Variants in AVPR1A observed in about 807,000 individuals in gnomAD.
AVPR1A encodes the protein arginine vasopressin receptor 1A, also known as vasopressin V1a receptor.
AVPR1A carries 31 observed loss-of-function variants against 31.5 expected under a neutral mutation model. The observed-to-expected ratio is 0.99, with a 90% confidence interval of 0.74 to 1.33. AVPR1A has a LOEUF of 1.33. Among genes scored for constraint, AVPR1A ranks in the 40% most tolerant of loss-of-function variants. The pLI, the probability that AVPR1A is intolerant of heterozygous loss-of-function variation, is 0.00. For synonymous variants in AVPR1A, 243 were observed against 233.2 expected (o/e 1.04, Z -0.38); for missense variants, 570 against 575.2 (o/e 0.99, Z 0.09).
chr12:63,148,631 T>C (rs1868395816), intron 1 of AVPR1A, among the ~76,000 whole-genome samples: 1 of 152,166 alleles, frequency 6.6e-6, no homozygotes, highest in Non-Finnish European at 1.5e-5. Flanking sequence ...TTTCTTTATT[T>C]GATGGACAAT....
chr12:63,147,291 T>G lies in AVPR1A; in HGVS notation c.*68A>C. On this transcript the variant is annotated 3_prime_UTR_variant, in exon 2 of 2. Coordinates refer to ENST00000299178, the MANE Select transcript of AVPR1A (RefSeq NM_000706.5). ...TAATAAAGTGTATTTGTTCTTGTGA[T>G]TTCTAGCTCAATTCAGCTAATGAGC... 6.6e-7 allele frequency: 1 copy of G among 1,524,616 alleles called. No individual in the cohort carries two copies. Among genetic ancestry groups the G allele is most frequent in the South Asian group, 1.2e-5 (1 of 84,248 alleles). The allele number at this position is 1,524,616 out of a possible 1,614,324, so 94.4% of individuals were successfully genotyped here.
Position 63,143,154 on chromosome 12 carries a change from AATT to A in AVPR1A, c.*4202_*4204del, listed in dbSNP as rs1033731762. 1 of 151,938 alleles carries A rather than the reference AATT, an allele frequency of 6.6e-6. No homozygotes were observed. Among genetic ancestry groups the A allele is most frequent in the African/African-American group, 2.4e-5 (1 of 41,428 alleles). 9.4% of individuals were successfully genotyped at this position (151,938 alleles called of 1,614,324 possible). On this transcript the variant is annotated 3_prime_UTR_variant, in exon 2 of 2. Transcript: ENST00000299178. ...GAAAATATTATTTTATATTAATAAT[AATT>A]ATTCTGGTATTTATATCAGATTTAT...
rs1048046099 is a variant in AVPR1A, at chr12:63,144,469, C to T, written c.*2890G>A. ...TAAAATTGTGTACTTGCAGGATCTT[C>T]CCACTGTTAACTGTGAAAAATAAAA... On this transcript the variant is annotated 3_prime_UTR_variant, in exon 2 of 2. Coordinates refer to ENST00000299178, the MANE Select transcript of AVPR1A (RefSeq NM_000706.5). 6.6e-6 allele frequency: 1 copy of T among 152,174 alleles called. No individual in the cohort carries two copies. The highest frequency in any genetic ancestry group is 1.5e-5 in the Non-Finnish European group (1 of 68,030). The allele number at this position is 152,174 out of a possible 1,614,324, so 9.4% of individuals were successfully genotyped here. A position where few individuals can be genotyped will look rare whatever the true frequency, so the allele number is the denominator to read the frequency against.
Position 63,150,901 on chromosome 12 carries a change from C to A in AVPR1A, c.-65G>T. 1 of 1,447,740 alleles carries A rather than the reference C, an allele frequency of 6.9e-7. No homozygotes were observed. Among genetic ancestry groups the A allele is most frequent in the Non-Finnish European group, 9.0e-7 (1 of 1,107,772 alleles). The allele number at this position is 1,447,740 out of a possible 1,614,324, so 89.7% of individuals were successfully genotyped here. ...CAGCCCTCGCGGGCCGCTCCCTCCC[C>A]GTCTCGGAGGACTTGGGCTCCTCGT... is the stretch of plus-strand genomic sequence containing the variant. On this transcript the variant is annotated 5_prime_UTR_variant, in exon 1 of 2. Transcript: ENST00000299178. This position sits in a 1 kb window ranked among gnomAD's most constrained non-coding sequence, Gnocchi z 4.9.
Position 63,146,564 on chromosome 12 carries a change from C to T in AVPR1A, c.*795G>A, listed in dbSNP as rs181342408. ...CCAGAGTACCTTAAGCAATCCTTTT[C>T]TACTCTTTTAATAAAATTTGGCTTT... On this transcript the variant is annotated 3_prime_UTR_variant, in exon 2 of 2. Transcript: ENST00000299178. 1.3e-5 allele frequency: 2 copies of T among 152,298 alleles called. No homozygotes were observed. Among genetic ancestry groups the T allele is most frequent in the Admixed American group, 1.3e-4 (2 of 15,298 alleles). 9.4% of individuals were successfully genotyped at this position (152,298 alleles called of 1,614,324 possible).
In AVPR1A at chr12:63,143,437, T is replaced by C. The variant is rs1868335317; in HGVS notation, c.*3922A>G. The C allele has an allele frequency of 1.3e-5, 2 of 152,242 alleles. No homozygotes were observed. The highest frequency in any genetic ancestry group is 1.3e-4 in the Admixed American group (2 of 15,284). 9.4% of individuals were successfully genotyped at this position (152,242 alleles called of 1,614,324 possible). On this transcript the variant is annotated 3_prime_UTR_variant, in exon 2 of 2. Transcript: ENST00000299178. ...GATAACTTAGTATGCCTAATAATTA[T>C]GTTAAAACAATATTCTTAAAATGCT...
intron 1 of AVPR1A, among the ~76,000 whole-genome samples, chr12:63,148,763 C>A (rs1360147930): frequency 4.6e-5 from 7 of 152,154 alleles, no homozygotes; most frequent in African/African-American, 1.7e-4. Flanking sequence ...TAAATTCATA[C>A]TGAAATGTTT....
Position 63,147,576 on chromosome 12 carries a change from A to G in AVPR1A, c.1040T>C (p.Ile347Thr). The change falls in exon 2 of 2, where the codon ATA (isoleucine) becomes ACA (threonine). Residue 347 changes from isoleucine (I) to threonine (T), a missense_variant. Transcript: ENST00000299178. ...GSLNSCCNPW[I>T]YMFFSGHLLQ... ...GAGATGGCCACTAAAAAACATGTAT[A>G]TCCAGGGATTACAGCAGCTATTCAA... 3 of 1,614,172 alleles carry G rather than the reference A, an allele frequency of 1.9e-6. No homozygotes were observed. The highest frequency in any genetic ancestry group is 2.5e-6 in the Non-Finnish European group (3 of 1,180,008).
rs1439450474 is a variant in AVPR1A, at chr12:63,150,901, C to T, written c.-65G>A. On this transcript the variant is annotated 5_prime_UTR_variant, in exon 1 of 2. Transcript: ENST00000299178. This position sits in a 1 kb window ranked among gnomAD's most constrained non-coding sequence, Gnocchi z 4.9. ...CAGCCCTCGCGGGCCGCTCCCTCCC[C>T]GTCTCGGAGGACTTGGGCTCCTCGT... The T allele has an allele frequency of 6.9e-7, 1 of 1,447,742 alleles. No individual in the cohort carries two copies. The highest frequency in any genetic ancestry group is 9.0e-7 in the Non-Finnish European group (1 of 1,107,772). The allele number at this position is 1,447,742 out of a possible 1,614,324, so 89.7% of individuals were successfully genotyped here.
At chr12:63,149,808 A>ACG in intron 1 of AVPR1A, 59 bp downstream of exon 1, 1 of 1,557,636 alleles carries the variant, frequency 6.4e-7, no homozygotes. Context: ...TCACACACAC[A>ACG]CACACACACA....
chr12:63,147,415 A>G lies in AVPR1A; in HGVS notation c.1201T>C (p.Trp401Arg). 6.2e-7 allele frequency: 1 copy of G among 1,614,142 alleles called. No individual in the cohort carries two copies. Among genetic ancestry groups the G allele is most frequent in the Non-Finnish European group, 8.5e-7 (1 of 1,179,988 alleles). Reference protein sequence around the residue: ...NRSPTNSTGMWKDSPKSSKSI... With the variant: ...NRSPTNSTGMRKDSPKSSKSI... ...TTGGAAGATTTAGGCGAGTCCTTCC[A>G]CATACCCGTACTGTTTGTTGGGCTT... is the stretch of plus-strand genomic sequence containing the variant. Residue 401 changes from tryptophan (W) to arginine (R), a missense_variant, in exon 2 of 2, where the codon TGG becomes CGG. Transcript: ENST00000299178.
chr12:63,150,237 G>A lies in AVPR1A; in HGVS notation c.600C>T (p.Ala200=). Residue 200 remains alanine, a synonymous_variant, in exon 1 of 2, where the codon GCC becomes GCT. Coordinates refer to ENST00000299178, the MANE Select transcript of AVPR1A (RefSeq NM_000706.5). This position sits in a 1 kb window ranked among gnomAD's most constrained non-coding sequence, Gnocchi z 4.9. ...GGATGAAGGTGGCCCAGCAGTCGCG[G>A]GCCTTGGTGACATTGTTCACCTCGA... ...SMIEVNNVTK[A]RDCWATFIQP... 1 of 1,613,904 alleles carries A rather than the reference G, an allele frequency of 6.2e-7. No homozygotes were observed. The highest frequency in any genetic ancestry group is 8.5e-7 in the Non-Finnish European group (1 of 1,180,042).
At position 63,147,308 on chromosome 12, in the gene AVPR1A, C is replaced by T. The variant is rs1282667060; in HGVS notation, c.*51G>A. On this transcript the variant is annotated 3_prime_UTR_variant, in exon 2 of 2. Coordinates refer to ENST00000299178, the MANE Select transcript of AVPR1A (RefSeq NM_000706.5). ...TCTTGTGATTTCTAGCTCAATTCAG[C>T]TAATGAGCCAAAAAGTCAATCACAA... is the stretch of plus-strand genomic sequence containing the variant. The T allele has an allele frequency of 6.3e-7, 1 of 1,581,052 alleles. No individual in the cohort carries two copies. The highest frequency in any genetic ancestry group is 8.7e-7 in the Non-Finnish European group (1 of 1,155,498).
chr12:63,150,893 T>A lies in AVPR1A; in HGVS notation c.-57A>T. On this transcript the variant is annotated 5_prime_UTR_variant, in exon 1 of 2. Coordinates refer to ENST00000299178, the MANE Select transcript of AVPR1A (RefSeq NM_000706.5). This position sits in a 1 kb window ranked among gnomAD's most constrained non-coding sequence, Gnocchi z 4.9. ...CGGAGCTCCAGCCCTCGCGGGCCGC[T>A]CCCTCCCCGTCTCGGAGGACTTGGG... 1 of 1,450,482 alleles carries A rather than the reference T, an allele frequency of 6.9e-7. No homozygotes were observed. Among genetic ancestry groups the A allele is most frequent in the East Asian group, 2.5e-5 (1 of 40,362 alleles). The allele number at this position is 1,450,482 out of a possible 1,614,324, so 89.9% of individuals were successfully genotyped here. A position where few individuals can be genotyped will look rare whatever the true frequency, so the allele number is the denominator to read the frequency against.
Position 63,150,764 on chromosome 12 carries a change from CGCCGGTGGCCAGAGGCCACCATGG to C in AVPR1A, c.49_72del (p.Pro17_Gly24del). 1 of 1,599,376 alleles carries C rather than the reference CGCCGGTGGCCAGAGGCCACCATGG, an allele frequency of 6.3e-7. No homozygotes were observed. The highest frequency in any genetic ancestry group is 1.1e-5 in the South Asian group (1 of 91,018). Reference sequence around the variant, plus strand: ...TCGGCCTCCCGGCTTGTGTTGCCAGCGCCGGTGGCCAGAGGCCACCATGGGCTGGAGTTGCCCGAGGGCCCCGCG... The same window carrying C: ...TCGGCCTCCCGGCTTGTGTTGCCAGCGCTGGAGTTGCCCGAGGGCCCCGCG... On this transcript the variant is annotated inframe_deletion, in exon 1 of 2. Coordinates refer to ENST00000299178, the MANE Select transcript of AVPR1A (RefSeq NM_000706.5). The surrounding 1 kb of genome is among the most constrained non-coding windows in gnomAD (Gnocchi z 4.9).
chr12:63,148,899 T>G (rs1301686271), intron 1 of AVPR1A, among the ~76,000 whole-genome samples: 2 of 152,208 alleles, frequency 1.3e-5, no homozygotes, highest in Non-Finnish European at 2.9e-5. Flanking sequence ...GTAACAACTG[T>G]ACCATTGAAT....
rs137992996 is a variant in AVPR1A at position 63,147,180 on chromosome 12, C to T, written c.*179G>A. ...AGCATGTTTCCATTAATATTCCATA[C>T]AAAATAATGTCTAGTTTTTGGTAGC... is the stretch of plus-strand genomic sequence containing the variant. On this transcript the variant is annotated 3_prime_UTR_variant, in exon 2 of 2. Coordinates refer to ENST00000299178, the MANE Select transcript of AVPR1A (RefSeq NM_000706.5). 8 of 687,282 alleles carry T rather than the reference C, an allele frequency of 1.2e-5. No individual in the cohort carries two copies. The highest frequency in any genetic ancestry group is 1.9e-5 in the Non-Finnish European group (8 of 424,030). The allele number at this position is 687,282 out of a possible 1,614,324, so 42.6% of individuals were successfully genotyped here.
chr12:63,150,165 G>A lies in AVPR1A; in HGVS notation c.672C>T (p.Ile224=). 1.2e-6 allele frequency: 2 copies of A among 1,613,996 alleles called. No individual in the cohort carries two copies. Among genetic ancestry groups the A allele is most frequent in the Non-Finnish European group, 1.7e-6 (2 of 1,180,048 alleles). Residue 224 remains isoleucine (I), a synonymous_variant, in exon 1 of 2, where the codon ATC becomes ATT. Coordinates refer to ENST00000299178, the MANE Select transcript of AVPR1A (RefSeq NM_000706.5). The surrounding 1 kb of genome is among the most constrained non-coding windows in gnomAD (Gnocchi z 4.9). ...CCAAGATGACCACGGGCGCCACAAA[G>A]ATGCCGCCCGTCATCCAGGTCACGT... ...RAYVTWMTGG[I]FVAPVVILGT... is the part of the protein sequence containing the mutation.
In AVPR1A at chr12:63,145,913, A is replaced by G. The variant is rs34904502; in HGVS notation, c.*1446T>C. The stretch of plus-strand genomic sequence containing the variant: ...AACTTTAGTCAGGCAGGAGAAGTCA[A>G]GCTGAGCAGTCACTGGAAATGTTGT... On this transcript the variant is annotated 3_prime_UTR_variant, in exon 2 of 2. Transcript: ENST00000299178. 6.6e-6 allele frequency: 1 copy of G among 152,278 alleles called. No homozygotes were observed. The highest frequency in any genetic ancestry group is 1.9e-4 in the East Asian group (1 of 5,192). 9.4% of individuals were successfully genotyped at this position (152,278 alleles called of 1,614,324 possible).
Sources: gnomAD v4.1 joint callset for allele counts (sites outside exome capture counted in the v4.1 genomes callset) on GRCh38, gnomAD v4.1.1 for gene constraint, Gnocchi (gnomAD v3.1) non-coding constraint, MANE v1.5 for transcripts, NCBI Gene and HGNC (gene_info 2026-07-23, HGNC 2026-07-21) for gene names.